The following GALNT15 variants were observed in gnomAD, a reference collection of about 807,000 sequenced individuals.
The protein encoded by GALNT15 is UDP-GalNAc transferase T15.
In GALNT15, 67 loss-of-function variants were observed where a neutral mutation model predicts 66.8. The observed-to-expected ratio is 1.00, with a 90% CI of 0.82 to 1.23. The LOEUF is 1.23. Among genes scored for constraint, GALNT15 ranks in the 50% most tolerant of loss-of-function variants. GALNT15 has a pLI of 0.00. For synonymous variants in GALNT15, 313 were observed against 311.5 expected (o/e 1.00, Z -0.05); for missense variants, 827 against 804.3 (o/e 1.03, Z -0.34).
intron 2 of GALNT15, among the ~76,000 whole-genome samples, chr3:16,196,188 T>C (rs560025264): frequency 6.6e-6 from 1 of 152,204 alleles, no homozygotes; most frequent in East Asian, 1.9e-4. Flanking sequence ...GGGTGTCGCC[T>C]CAGCCTGATC....
chr3:16,236,676 A>G (rs986292010), downstream of GALNT15, among the ~76,000 whole-genome samples: 5 of 152,258 alleles, frequency 3.3e-5, no homozygotes, highest in Non-Finnish European at 7.3e-5. Context: ...AGAGGGAAAC[A>G]GTGTATAGCA....
rs2063392868 is a variant in GALNT15 at position 16,175,304 on chromosome 3, C to T, written c.153C>T (p.His51=). ...CTGTCACAGCCCAAGCCAGCAAGCA[C>T]AGCCCTGAAGCCAGGTACCGCCTGG... The part of the protein sequence containing the change: ...HQTVTAQASK[H]SPEARYRLDF... Residue 51 remains histidine (H), a synonymous_variant, in exon 1 of 10, where the codon CAC becomes CAT. Coordinates refer to ENST00000339732, the MANE Select transcript of GALNT15 (RefSeq NM_054110.5). The surrounding 1 kb of genome is among the most constrained non-coding windows in gnomAD (Gnocchi z 5.6). 9 of 1,614,212 alleles carry T rather than the reference C, an allele frequency of 5.6e-6. No homozygotes were observed. Among genetic ancestry groups the T allele is most frequent in the Non-Finnish European group, 7.6e-6 (9 of 1,180,048 alleles).
downstream of GALNT15, among the ~76,000 whole-genome samples, chr3:16,235,224 G>A (rs2124917290): frequency 6.6e-6 from 1 of 152,194 alleles, no homozygotes; most frequent in East Asian, 1.9e-4. Context: ...TGCCTGGCCG[G>A]TCCTTACCCC....
At position 16,219,041 on chromosome 3, in the gene GALNT15, C is replaced by T. The variant is rs534361432; in HGVS notation, c.1393-362C>T. Reference sequence around the variant, plus strand: ...ATGTTGGCCAGGCTGGTCTTGAACTCCTGACCTCAAGTGATCCACCAGCCT... The same window carrying T: ...ATGTTGGCCAGGCTGGTCTTGAACTTCTGACCTCAAGTGATCCACCAGCCT... On this transcript the variant is annotated intron_variant, in intron 6 of 9. Transcript: ENST00000339732. This position sits in a 1 kb window ranked among gnomAD's most constrained non-coding sequence, Gnocchi z 4.3. 1.5e-3 allele frequency among the ~76,000 whole-genome samples: 228 copies of T among 152,138 alleles called. 1 individual carries two copies. Among genetic ancestry groups the T allele is most frequent in the African/African-American group, 5.0e-3 (209 of 41,514 alleles).
downstream of GALNT15, among the ~76,000 whole-genome samples, chr3:16,231,263 T>G (rs12631452): frequency 0.13 from 19,883 of 152,128 alleles, 1,359 homozygotes; most frequent in East Asian, 0.16. The surrounding 1 kb of genome is among the most constrained non-coding windows in gnomAD (Gnocchi z 4.1). Context: ...CCATGGCACA[T>G]GTATTCCTAT....
Position 16,227,458 on chromosome 3 carries a change from G to T in GALNT15, c.1878G>T (p.Gln626His). The change falls in exon 10 of 10, where the codon CAG (glutamine) becomes CAT (histidine). Residue 626 changes from glutamine (Q) to histidine (H), a missense_variant. Transcript: ENST00000339732. This position sits in a 1 kb window ranked among gnomAD's most constrained non-coding sequence, Gnocchi z 4.5. ...YLRPCDGKAR[Q>H]QWRFDQINAV... is the part of the protein sequence containing the mutation. ...GTCCGTGTGATGGAAAAGCCCGCCA[G>T]CAGTGGCGTTTTGACCAGATCAATG... 1 of 1,614,170 alleles carries T rather than the reference G, an allele frequency of 6.2e-7. No homozygotes were observed. Among genetic ancestry groups the T allele is most frequent in the South Asian group, 1.1e-5 (1 of 91,078 alleles).
intron 3 of GALNT15, among the ~76,000 whole-genome samples, chr3:16,202,458 C>T (rs2063713738): frequency 6.6e-6 from 1 of 152,148 alleles, no homozygotes; most frequent in South Asian, 2.1e-4. Context: ...CATGGTGAAA[C>T]CCCATCTCTA....
chr3:16,190,161 T>C (rs938151901), intron 1 of GALNT15, among the ~76,000 whole-genome samples: 3 of 152,174 alleles, frequency 2.0e-5, no homozygotes, highest in East Asian at 1.9e-4. Flanking sequence ...AGAGGATTCA[T>C]CCCATTTGCC....
the GALNT15 span, among the ~76,000 whole-genome samples, chr3:16,241,792 C>T: frequency 6.6e-6 from 1 of 152,192 alleles, no homozygotes; most frequent in African/African-American, 2.4e-5. The surrounding 1 kb of genome is among the most constrained non-coding windows in gnomAD (Gnocchi z 4.6). Context: ...AGGTGATCCA[C>T]TCACCTCGGC....
At position 16,219,621 on chromosome 3, in the gene GALNT15, C is replaced by A; in HGVS notation, c.1524+87C>A. On this transcript the variant is annotated intron_variant, in intron 7 of 9. Transcript: ENST00000339732. The surrounding 1 kb of genome is among the most constrained non-coding windows in gnomAD (Gnocchi z 4.3). ...TGTTCAGCTCTTCCATGTCCCTGGT[C>A]AACCATTCACGGTTTAGCAGGGCCT... is the stretch of plus-strand genomic sequence containing the variant. 5 of 1,537,642 alleles carry A rather than the reference C, an allele frequency of 3.3e-6. No homozygotes were observed. In the South Asian group the frequency reaches 4.9e-5, roughly 15 times the overall value.
rs1453277328 is a variant in GALNT15, at chr3:16,181,232, T to C, written c.539+5542T>C. Among the ~76,000 whole-genome samples the C allele has an allele frequency of 6.6e-6, 1 of 152,096 alleles. No homozygotes were observed. The highest frequency in any genetic ancestry group is 2.4e-5 in the African/African-American group (1 of 41,410). On this transcript the variant is annotated intron_variant, in intron 1 of 9. Coordinates refer to ENST00000339732, the MANE Select transcript of GALNT15 (RefSeq NM_054110.5). This position sits in a 1 kb window ranked among gnomAD's most constrained non-coding sequence, Gnocchi z 5.9. ...AGGTACATTGGAATTATCTGGAAAGTCTTAAAAACTATTCATACTCATGCT... is the reference window on the plus strand; with the variant it reads ...AGGTACATTGGAATTATCTGGAAAGCCTTAAAAACTATTCATACTCATGCT...
At position 16,175,932 on chromosome 3, in the gene GALNT15, T is replaced by C. The variant is rs1269662097; in HGVS notation, c.539+242T>C. ...AAACTCTGGGTGGGGTCCAGTGGTCTGTATGAACAAGCCCTTCAGGTGAGA... is the reference window on the plus strand; with the variant it reads ...AAACTCTGGGTGGGGTCCAGTGGTCCGTATGAACAAGCCCTTCAGGTGAGA... On this transcript the variant is annotated intron_variant, in intron 1 of 9. Transcript: ENST00000339732. This position sits in a 1 kb window ranked among gnomAD's most constrained non-coding sequence, Gnocchi z 5.6. 6.6e-6 allele frequency among the ~76,000 whole-genome samples: 1 copy of C among 152,212 alleles called. No individual in the cohort carries two copies. The highest frequency in any genetic ancestry group is 2.4e-5 in the African/African-American group (1 of 41,456).
Position 16,227,404 on chromosome 3 carries a change from G to A in GALNT15, c.1824G>A (p.Val608=). The change falls in exon 10 of 10, where the codon GTG becomes GTA. Residue 608 remains valine, a synonymous_variant. Transcript: ENST00000339732. This position sits in a 1 kb window ranked among gnomAD's most constrained non-coding sequence, Gnocchi z 4.5. The part of the protein sequence containing the change: ...ILSGKCMEAV[V]QENNKDLYLR... ...CTGGGAAATGCATGGAAGCTGTGGT[G>A]CAAGAAAACAATAAAGATTTGTACC... 1 of 1,614,084 alleles carries A rather than the reference G, an allele frequency of 6.2e-7. No individual in the cohort carries two copies. The highest frequency in any genetic ancestry group is 1.1e-5 in the South Asian group (1 of 91,066).
rs965581778 is a variant in GALNT15, at chr3:16,204,475, T to A, written c.911+3652T>A. Among the ~76,000 whole-genome samples the A allele has an allele frequency of 6.6e-6, 1 of 152,054 alleles. No homozygotes were observed. Among genetic ancestry groups the A allele is most frequent in the African/African-American group, 2.4e-5 (1 of 41,388 alleles). ...TAGAGTCTCCCTATGGGCAACTGAT[T>A]TTAGGGCAGCCCTGGGAGATGCTGA... On this transcript the variant is annotated intron_variant, in intron 3 of 9. Transcript: ENST00000339732. This position sits in a 1 kb window ranked among gnomAD's most constrained non-coding sequence, Gnocchi z 4.5.
chr3:16,190,673 C>T (rs1327835176), intron 1 of GALNT15, among the ~76,000 whole-genome samples: 1 of 151,516 alleles, frequency 6.6e-6, no homozygotes, highest in Non-Finnish European at 1.5e-5. Flanking sequence ...AAAAGAATCC[C>T]TGGCTTTTCT....
chr3:16,195,506 C>T lies in GALNT15; in HGVS notation c.540-254C>T, dbSNP rs565624802. ...AGTCATTTGCTGAGGATGACGGCAA[C>T]GCTTCTCAATTGCAATGAGAGGGAC... On this transcript the variant is annotated intron_variant, in intron 1 of 9. Transcript: ENST00000339732. This position sits in a 1 kb window ranked among gnomAD's most constrained non-coding sequence, Gnocchi z 4.6. 5.3e-5 allele frequency among the ~76,000 whole-genome samples: 8 copies of T among 152,264 alleles called. No homozygotes were observed. The highest frequency in any genetic ancestry group is 3.9e-4 in the East Asian group (2 of 5,184).
chr3:16,185,224 G>A (rs1257987287), intron 1 of GALNT15, among the ~76,000 whole-genome samples: 1 of 152,200 alleles, frequency 6.6e-6, no homozygotes, highest in Non-Finnish European at 1.5e-5. Flanking sequence ...GTCCTGTCTA[G>A]AGCCTCCTCA....
At position 16,219,570 on chromosome 3, in the gene GALNT15, G is replaced by A. The variant is rs1362224582; in HGVS notation, c.1524+36G>A. On this transcript the variant is annotated intron_variant, in intron 7 of 9. Coordinates refer to ENST00000339732, the MANE Select transcript of GALNT15 (RefSeq NM_054110.5). The surrounding 1 kb of genome is among the most constrained non-coding windows in gnomAD (Gnocchi z 4.3). ...ACCCAGGGAAGATGGGGAGGGACAG[G>A]GAAGCTTCCCAAGACAAGAACTAGA... 1 of 1,608,748 alleles carries A rather than the reference G, an allele frequency of 6.2e-7. No homozygotes were observed. Among genetic ancestry groups the A allele is most frequent in the East Asian group, 2.2e-5 (1 of 44,850 alleles).
In GALNT15 at chr3:16,228,481, A is replaced by C. The variant is rs1161342503; in HGVS notation, c.*981A>C. The C allele has an allele frequency of 1.7e-6, 1 of 588,712 alleles. No individual in the cohort carries two copies. Among genetic ancestry groups the C allele is most frequent in the African/African-American group, 2.0e-5 (1 of 49,554 alleles). 36.5% of individuals were successfully genotyped at this position (588,712 alleles called of 1,614,324 possible). A position where few individuals can be genotyped will look rare whatever the true frequency, so the allele number is the denominator to read the frequency against. On this transcript the variant is annotated 3_prime_UTR_variant, in exon 10 of 10. Transcript: ENST00000339732. Reference sequence around the variant, plus strand: ...CATTGCAAAACCTTGTCTCTACTAAAAATACAAAAATTAGCTGGGCATGGT... The same window carrying C: ...CATTGCAAAACCTTGTCTCTACTAACAATACAAAAATTAGCTGGGCATGGT...
Sources: gnomAD v4.1 joint callset for allele counts (sites outside exome capture counted in the v4.1 genomes callset) on GRCh38, gnomAD v4.1.1 for gene constraint, Gnocchi (gnomAD v3.1) non-coding constraint, MANE v1.5 for transcripts, NCBI Gene and HGNC (gene_info 2026-07-23, HGNC 2026-07-21) for gene names.